The following LRRC47 variants were observed in gnomAD, a reference collection of about 807,000 sequenced individuals.
LRRC47 encodes the protein leucine-rich repeat-containing protein 47.
In LRRC47, 31 loss-of-function variants were observed where a neutral mutation model predicts 40.9. The ratio of observed to expected loss-of-function variants is 0.76; its 90% CI spans 0.57 to 1.02. LRRC47 has a LOEUF of 1.02. Ranked by LOEUF, LRRC47 falls within the 50% of genes least tolerant of loss-of-function variation. The pLI is 0.00. For synonymous variants in LRRC47, 427 were observed against 371.9 expected (o/e 1.15, Z -1.70); for missense variants, 726 against 796.1 (o/e 0.91, Z 1.06).
chr1:3,783,436 A>AAG (rs1553156224), intron 4 of LRRC47, among the ~76,000 whole-genome samples: 1 of 151,272 alleles, frequency 6.6e-6, no homozygotes, highest in Non-Finnish European at 1.5e-5. Context: ...AAAAAAAAAA[A>AAG]GCACACACCT....
chr1:3,792,297 C>A (rs1191705116), intron 1 of LRRC47, among the ~76,000 whole-genome samples: 2 of 152,170 alleles, frequency 1.3e-5, no homozygotes, highest in African/African-American at 2.4e-5. Flanking sequence ...TAGAGAGCCA[C>A]TGGACGCCTA....
At chr1:3,791,894 C>A (rs1031244056) in intron 1 of LRRC47, among the ~76,000 whole-genome samples, 1 of 152,044 alleles carries the variant, frequency 6.6e-6, no homozygotes, top group Non-Finnish European at 1.5e-5. Context: ...GCTGGGACTA[C>A]AGGTGCACAC....
intron 2 of LRRC47, 111 bp downstream of exon 2, chr1:3,786,738 G>A (rs1341603010): frequency 1.6e-5 from 16 of 1,019,556 alleles, no homozygotes; most frequent in East Asian, 1.1e-4. Context: ...ACCCGGCTGG[G>A]CCCCATACTC....
intron 1 of LRRC47, among the ~76,000 whole-genome samples, chr1:3,787,960 A>G: frequency 6.6e-6 from 1 of 152,200 alleles, no homozygotes; most frequent in East Asian, 1.9e-4. Context: ...GTGTGCCACA[A>G]AGATGCCCAG....
rs376091307 is a variant in LRRC47 at position 3,786,873 on chromosome 1, T to G, written c.1053A>C (p.Ala351=). The G allele has an allele frequency of 1.7e-5, 28 of 1,600,980 alleles. No individual in the cohort carries two copies. Among genetic ancestry groups the G allele is most frequent in the Non-Finnish European group, 2.2e-5 (26 of 1,173,484 alleles). ...CCTGCGAGGTGAGGAAGCGCTTGAG[T>G]GCATTCCCTGGCTGCAGGTCCATGC... ...VRGMDLQPGN[A]LKRFLTSQTK... is the part of the protein sequence containing the mutation. The change falls in exon 2 of 7, where the codon GCA becomes GCC. Residue 351 remains alanine (A), a synonymous_variant. Coordinates refer to ENST00000378251, the MANE Select transcript of LRRC47 (RefSeq NM_020710.3).
intron 4 of LRRC47, chr1:3,783,102 C>A (rs1244009239): frequency 9.7e-6 from 2 of 206,442 alleles, no homozygotes; most frequent in Non-Finnish European, 1.9e-5. Flanking sequence ...CATGGCGCGA[C>A]CACATCTTAA....
rs1278428315 is a variant in LRRC47 at position 3,785,097 on chromosome 1, T to A, written c.1184A>T (p.Gln395Leu). ...GPLLYCARPPQDLKIVPLGRK... is the reference protein window; with the variant it reads ...GPLLYCARPPLDLKIVPLGRK... Reference sequence around the variant, plus strand: ...AGGAGGCTGCAGCACCTTGAGGTCCTGTGGGGGCCGGGCGCAGTACAGCAG... The same window carrying A: ...AGGAGGCTGCAGCACCTTGAGGTCCAGTGGGGGCCGGGCGCAGTACAGCAG... Residue 395 changes from glutamine to leucine, a missense_variant, in exon 3 of 7, where the codon CAG becomes CTG. Coordinates refer to ENST00000378251, the MANE Select transcript of LRRC47 (RefSeq NM_020710.3). 1 of 1,597,802 alleles carries A rather than the reference T, an allele frequency of 6.3e-7. No homozygotes were observed. Among genetic ancestry groups the A allele is most frequent in the Non-Finnish European group, 8.5e-7 (1 of 1,172,284 alleles).
At chr1:3,789,825 A>G (rs1048965602) in intron 1 of LRRC47, among the ~76,000 whole-genome samples, 10 of 152,242 alleles carry the variant, frequency 6.6e-5, no homozygotes, top group African/African-American at 2.2e-4. Context: ...CTGGCCCCTC[A>G]GGCCAGCACT....
intron 1 of LRRC47, among the ~76,000 whole-genome samples, chr1:3,788,384 G>A (rs1245208905): frequency 6.6e-6 from 1 of 152,206 alleles, no homozygotes; most frequent in South Asian, 2.1e-4. Context: ...TGCCCCCAGA[G>A]AGGAGGCAAC....
chr1:3,792,311 T>C (rs115642699), intron 1 of LRRC47, among the ~76,000 whole-genome samples: 2,005 of 152,180 alleles, frequency 0.013, 41 homozygotes, highest in African/African-American at 0.046. Context: ...ACGCCTAAAA[T>C]TTACGAACAG....
At chr1:3,786,757 C>T in intron 2 of LRRC47, 92 bp downstream of exon 2, 2 of 1,248,386 alleles carry the variant, frequency 1.6e-6, no homozygotes, top group Non-Finnish European at 1.1e-6. Context: ...TCCACTGCTG[C>T]TCCTTCGGAC....
At chr1:3,795,767 G>A in intron 1 of LRRC47, 95 bp downstream of exon 1, 2 of 1,378,222 alleles carry the variant, frequency 1.5e-6, no homozygotes, top group South Asian at 3.1e-5. Flanking sequence ...GTGCCCCAGG[G>A]GGCGTCACTA....
Position 3,795,993 on chromosome 1 carries a change from C to A in LRRC47, c.484G>T (p.Gly162Cys), listed in dbSNP as rs981457611. The part of the protein sequence containing the change: ...APRLQSLNLT[G>C]NCLDSFPAEL... ...GCGGGAAAGGAGTCTAGGCAATTGC[C>A]GGTGAGGTTGAGGCTCTGCAGGCGC... Residue 162 changes from glycine to cysteine, a missense_variant, in exon 1 of 7, where the codon GGC becomes TGC. By Grantham distance (159) the Gly-to-Cys change is radical. Coordinates refer to ENST00000378251, the MANE Select transcript of LRRC47 (RefSeq NM_020710.3). 1.0e-5 allele frequency: 16 copies of A among 1,569,590 alleles called. No homozygotes were observed. In the African/African-American group the frequency reaches 1.2e-4, roughly 12 times the overall value.
In LRRC47 at chr1:3,780,977, A is replaced by AC; in HGVS notation, c.*110_*111insG. 1 of 1,506,348 alleles carries AC rather than the reference A, an allele frequency of 6.6e-7. No homozygotes were observed. Among genetic ancestry groups the AC allele is most frequent in the Non-Finnish European group, 8.9e-7 (1 of 1,123,856 alleles). The allele number at this position is 1,506,348 out of a possible 1,614,324, so 93.3% of individuals were successfully genotyped here. A position where few individuals can be genotyped will look rare whatever the true frequency, so the allele number is the denominator to read the frequency against. On this transcript the variant is annotated 3_prime_UTR_variant, in exon 7 of 7. Transcript: ENST00000378251. ...GCGACAGAGCGAGACTCCATCTCAA[A>AC]AAAAAAAACCAACAAAAAAACTGGG... is the stretch of plus-strand genomic sequence containing the variant.
At chr1:3,782,860 T>C (rs1643534324) in intron 4 of LRRC47, 97 bp from the exon 5 acceptor site, 2 of 791,258 alleles carry the variant, frequency 2.5e-6, no homozygotes, top group Non-Finnish European at 4.5e-6. Context: ...CTCAGGAGGC[T>C]GAGACAGGAG....
At chr1:3,786,500 A>C (rs1643574802) in intron 2 of LRRC47, among the ~76,000 whole-genome samples, 1 of 152,084 alleles carries the variant, frequency 6.6e-6, no homozygotes, top group Admixed American at 6.6e-5. Context: ...ACTCCTTAAA[A>C]AAAAAAAATC....
chr1:3,791,813 G>C (rs1322603532), intron 1 of LRRC47, among the ~76,000 whole-genome samples: 1 of 152,066 alleles, frequency 6.6e-6, no homozygotes, highest in Non-Finnish European at 1.5e-5. Flanking sequence ...GAGTGCAGTG[G>C]TGTGATCATG....
intron 4 of LRRC47, 188 bp from the exon 5 acceptor site, chr1:3,782,951 C>A: frequency 1.7e-6 from 1 of 589,880 alleles, no homozygotes; most frequent in South Asian, 2.0e-5. Flanking sequence ...CTATGGTGAG[C>A]TCCTGGGAGT....
Position 3,780,170 on chromosome 1 carries a change from A to G in LRRC47, c.*918T>C, listed in dbSNP as rs1643504596. 1 of 151,992 alleles carries G rather than the reference A, an allele frequency of 6.6e-6. No homozygotes were observed. The highest frequency in any genetic ancestry group is 1.5e-5 in the Non-Finnish European group (1 of 67,992). 9.4% of individuals were successfully genotyped at this position (151,992 alleles called of 1,614,324 possible). A position where few individuals can be genotyped will look rare whatever the true frequency, so the allele number is the denominator to read the frequency against. On this transcript the variant is annotated 3_prime_UTR_variant, in exon 7 of 7. Transcript: ENST00000378251. ...CGTGTCGCTCAGTGACACATGAGAA[A>G]CGTGTGCTTAGCCGCTGCTGTGTGA...
Sources: allele counts gnomAD v4.1 joint callset (sites outside exome capture counted in the v4.1 genomes callset), GRCh38; gene constraint gnomAD v4.1.1; transcripts MANE v1.5; gene names NCBI Gene and HGNC (gene_info 2026-07-23, HGNC 2026-07-21).